The following ZNF487 variants were observed in gnomAD, a reference collection of about 807,000 sequenced individuals.
ZNF487 encodes the protein zinc finger protein 487, also known as KRAB domain only 1.
ZNF487 carries 4 observed loss-of-function variants against 3.0 expected under a neutral mutation model. The observed-to-expected ratio is 1.35, with a 90% CI of 0.66 to 3.08. The LOEUF is 3.08. Ranked by LOEUF, ZNF487 falls within the 30% of genes most tolerant of loss-of-function variation. The pLI is 0.01. For missense variants in ZNF487, 146 were observed against 98.7 expected, an observed-to-expected ratio of 1.48 and a Z score of -2.03; for synonymous variants, 55 against 34.6, an observed-to-expected ratio of 1.59 and a Z score of -2.06.
chr10:43,439,365 A>T (rs2132025835), intron 1 of ZNF487, among the ~76,000 whole-genome samples: 1 of 152,014 alleles, frequency 6.6e-6, no homozygotes, highest in South Asian at 2.1e-4. Context: ...GCACTGCTGT[A>T]CTCCACCCTG....
the ZNF487 span, among the ~76,000 whole-genome samples, chr10:43,505,563 G>A: frequency 2.6e-5 from 4 of 152,232 alleles, no homozygotes; most frequent in South Asian, 8.3e-4. Context: ...GATTACAGGT[G>A]TGAGCCACCA....
intron 1 of ZNF487, among the ~76,000 whole-genome samples, chr10:43,460,189 A>G (rs146601728): frequency 1.3e-5 from 2 of 152,172 alleles, no homozygotes; most frequent in African/African-American, 4.8e-5. Flanking sequence ...ATTCTTTTTC[A>G]GTGGATTGAT....
At chr10:43,437,430 C>G (rs1005850563) in intron 1 of ZNF487, among the ~76,000 whole-genome samples, 168 bp downstream of exon 1, 1 of 152,016 alleles carries the variant, frequency 6.6e-6, no homozygotes, top group Non-Finnish European at 1.5e-5. Flanking sequence ...AGTGCGGGAG[C>G]GGCCAGCCCA....
At chr10:43,509,102 G>A in the ZNF487 span, among the ~76,000 whole-genome samples, 4 of 151,834 alleles carry the variant, frequency 2.6e-5, no homozygotes, top group South Asian at 8.3e-4. Context: ...GCTGAGGCAT[G>A]AGAATCACTT....
the ZNF487 span, among the ~76,000 whole-genome samples, chr10:43,505,662 A>C: frequency 6.6e-6 from 1 of 151,714 alleles, no homozygotes; most frequent in Non-Finnish European, 1.5e-5. Flanking sequence ...ATTTTCTTTG[A>C]GATGGAGTTT....
chr10:43,459,307 T>G (rs1003961916), intron 1 of ZNF487, among the ~76,000 whole-genome samples: 1 of 151,970 alleles, frequency 6.6e-6, no homozygotes, highest in African/African-American at 2.4e-5. Context: ...TTGGCTCACT[T>G]CATCCTCCGC....
At chr10:43,490,472 T>C in the ZNF487 span, among the ~76,000 whole-genome samples, 1 of 148,954 alleles carries the variant, frequency 6.7e-6, no homozygotes, top group Non-Finnish European at 1.5e-5. Flanking sequence ...CTTACTGTTA[T>C]AGCCTGAGTT....
At chr10:43,507,517 C>A in the ZNF487 span, among the ~76,000 whole-genome samples, 3 of 152,110 alleles carry the variant, frequency 2.0e-5, no homozygotes, top group Admixed American at 6.6e-5. Context: ...CTGTTGTAGC[C>A]CACAACCGAG....
chr10:43,520,194 T>C, the ZNF487 span, among the ~76,000 whole-genome samples: 1,416 of 152,298 alleles, frequency 9.3e-3, 24 homozygotes, highest in African/African-American at 0.029. Context: ...GACTAGTTTT[T>C]TTTTTCCACT....
the ZNF487 span, among the ~76,000 whole-genome samples, chr10:43,512,770 T>G: frequency 6.6e-6 from 1 of 152,208 alleles, no homozygotes. Context: ...CACTCAAAAC[T>G]GACAGCCTTT....
chr10:43,516,311 C>T, the ZNF487 span, among the ~76,000 whole-genome samples: 4 of 152,242 alleles, frequency 2.6e-5, no homozygotes, highest in Admixed American at 2.0e-4. Flanking sequence ...AAGTAGAGTC[C>T]TTGGCATTTT....
intron 1 of ZNF487, among the ~76,000 whole-genome samples, chr10:43,473,073 C>G (rs1191718702): frequency 6.8e-6 from 1 of 146,368 alleles, no homozygotes; most frequent in African/African-American, 2.5e-5. Flanking sequence ...GGTTGATCAT[C>G]CTTTGTATAT....
intron 1 of ZNF487, among the ~76,000 whole-genome samples, chr10:43,465,742 G>A (rs994740335): frequency 6.6e-6 from 1 of 151,638 alleles, no homozygotes; most frequent in African/African-American, 2.4e-5. Flanking sequence ...CATCCCAGAC[G>A]ATGGGCGGCC....
At chr10:43,521,102 T>C in the ZNF487 span, among the ~76,000 whole-genome samples, 1 of 152,162 alleles carries the variant, frequency 6.6e-6, no homozygotes, top group African/African-American at 2.4e-5. Context: ...ATTATCATGA[T>C]TCATGGTATT....
intron 1 of ZNF487, among the ~76,000 whole-genome samples, chr10:43,468,339 A>G (rs768868839): frequency 2.0e-5 from 3 of 152,130 alleles, no homozygotes; most frequent in Non-Finnish European, 4.4e-5. Flanking sequence ...AAGTTCTACT[A>G]TAGGTAAAAT....
the ZNF487 span, among the ~76,000 whole-genome samples, chr10:43,508,802 C>T: frequency 1.3e-5 from 2 of 151,852 alleles, no homozygotes; most frequent in African/African-American, 4.8e-5. Flanking sequence ...GCTAAGATTG[C>T]ATCACTGCAC....
chr10:43,442,733 G>A (rs923393463), intron 1 of ZNF487, among the ~76,000 whole-genome samples: 35 of 152,174 alleles, frequency 2.3e-4, no homozygotes, highest in African/African-American at 8.2e-4. Flanking sequence ...GTGAGACACC[G>A]CGCCCAGCCC....
the ZNF487 span, among the ~76,000 whole-genome samples, chr10:43,517,702 G>A: frequency 1.3e-5 from 2 of 152,172 alleles, no homozygotes; most frequent in Non-Finnish European, 2.9e-5. Flanking sequence ...ACAGAAGCAG[G>A]GCGCTGCAAG....
At chr10:43,468,629 C>G (rs1256700026) in intron 1 of ZNF487, among the ~76,000 whole-genome samples, 2 of 134,544 alleles carry the variant, frequency 1.5e-5, no homozygotes, top group Non-Finnish European at 3.1e-5. Flanking sequence ...TGGCGAGCTG[C>G]GATCGCGCCA....
Sources: gnomAD v4.1 joint callset for allele counts (sites outside exome capture counted in the v4.1 genomes callset) on GRCh38, gnomAD v4.1.1 for gene constraint, MANE v1.5 for transcripts, NCBI Gene and HGNC (gene_info 2026-07-23, HGNC 2026-07-21) for gene names.